Variants in DCDC1 observed in about 807,000 individuals in gnomAD.
DCDC1 encodes doublecortin domain-containing protein 1.
DCDC1 carries 200 observed loss-of-function variants against 178.3 expected under a neutral mutation model. The observed-to-expected ratio is 1.12, with a 90% CI of 1.00 to 1.26. The LOEUF is 1.26. Ranked by LOEUF, DCDC1 falls within the 50% of genes most tolerant of loss-of-function variation. The pLI, the probability that DCDC1 is intolerant of heterozygous loss-of-function variation, is 0.00. For synonymous variants in DCDC1, 690 were observed against 604.8 expected (o/e 1.14, Z -2.07); for missense variants, 1,983 against 1,749.2 (o/e 1.13, Z -2.38).
Position 31,009,463 on chromosome 11 carries a change from T to TGC in DCDC1, c.2591+55005_2591+55006insGC, listed in dbSNP as rs767392934. Among the ~76,000 whole-genome samples, 6 of 151,708 alleles carry TGC rather than the reference T, an allele frequency of 4.0e-5. No individual in the cohort carries two copies. In the South Asian group the frequency reaches 6.3e-4, roughly 16 times the overall value. ...TTGTGTGTGTGTGTGTGTGTGTGTGTGTGTGTGTGTAAAATAAGGTATTGG... is the reference window on the plus strand; with the variant it reads ...TTGTGTGTGTGTGTGTGTGTGTGTGTGCGTGTGTGTGTAAAATAAGGTATTGG... On this transcript the variant is annotated intron_variant, in intron 20 of 38. Transcript: ENST00000684477.
intron 9 of DCDC1, among the ~76,000 whole-genome samples, chr11:31,214,881 A>G (rs1973341931): frequency 6.6e-6 from 1 of 151,970 alleles, no homozygotes; most frequent in South Asian, 2.1e-4. Flanking sequence ...AACTAACATA[A>G]GAAATAAATT....
rs373717745 is a variant in DCDC1, at chr11:31,336,076, CAG to C, written c.-124-514_-124-513del. Among the ~76,000 whole-genome samples, 132 of 152,154 alleles carry C rather than the reference CAG, an allele frequency of 8.7e-4. 1 individual carries two copies. The highest frequency in any genetic ancestry group is 2.9e-3 in the African/African-American group (119 of 41,518). The stretch of plus-strand genomic sequence containing the variant: ...TATGCAGCTTACTTTCAAGTGGGAA[CAG>C]ATAATAAACAATAAACATCATAAAT... On this transcript the variant is annotated intron_variant, in intron 1 of 38. Transcript: ENST00000684477.
At chr11:31,268,308 T>A (rs1356098123) in intron 7 of DCDC1, among the ~76,000 whole-genome samples, 1 of 152,078 alleles carries the variant, frequency 6.6e-6, no homozygotes, top group Non-Finnish European at 1.5e-5. Flanking sequence ...CAACCAAAAT[T>A]TCAGTAATTT....
chr11:31,359,058 A>G (rs1399435203), intron 1 of DCDC1, among the ~76,000 whole-genome samples: 2 of 152,176 alleles, frequency 1.3e-5, no homozygotes, highest in Non-Finnish European at 2.9e-5. Flanking sequence ...TAGAAATACC[A>G]TTTGACCCAG....
At chr11:30,944,084 A>G in intron 21 of DCDC1, 1 of 246,272 alleles carries the variant, frequency 4.1e-6, no homozygotes. Context: ...GCCCATTTGG[A>G]CAATCAGCCC....
At chr11:31,144,053 G>T (rs899467964) in intron 9 of DCDC1, among the ~76,000 whole-genome samples, 1 of 152,148 alleles carries the variant, frequency 6.6e-6, no homozygotes. Flanking sequence ...TTTTAAAAGG[G>T]TTATAATTTG....
At chr11:31,244,310 T>A (rs1977559567) in intron 8 of DCDC1, among the ~76,000 whole-genome samples, 1 of 151,706 alleles carries the variant, frequency 6.6e-6, no homozygotes, top group South Asian at 2.1e-4. Flanking sequence ...TATTTAAGTG[T>A]TTTAGTGGAT....
intron 20 of DCDC1, among the ~76,000 whole-genome samples, chr11:31,033,122 T>G (rs565361804): frequency 6.6e-6 from 1 of 152,320 alleles, no homozygotes; most frequent in South Asian, 2.1e-4. Flanking sequence ...CAATGATTTA[T>G]GCACAAGATT....
At chr11:31,152,461 G>A (rs1402297947) in intron 9 of DCDC1, among the ~76,000 whole-genome samples, 2 of 152,226 alleles carry the variant, frequency 1.3e-5, no homozygotes, top group Non-Finnish European at 2.9e-5. Flanking sequence ...TAAATCAGGA[G>A]TTGCTGAGAG....
chr11:31,369,390 C>A (rs1437516397), intron 1 of DCDC1, among the ~76,000 whole-genome samples: 1 of 152,174 alleles, frequency 6.6e-6, no homozygotes, highest in African/African-American at 2.4e-5. Flanking sequence ...GGTTTTAGTT[C>A]TTTTAATTTT....
intron 11 of DCDC1, among the ~76,000 whole-genome samples, chr11:31,119,929 T>C (rs913631501): frequency 2.0e-5 from 3 of 152,206 alleles, no homozygotes; most frequent in Non-Finnish European, 4.4e-5. Context: ...ATATTGTTTC[T>C]AATTGTATGA....
chr11:31,255,332 G>T (rs1431424068), intron 8 of DCDC1, among the ~76,000 whole-genome samples: 1 of 152,052 alleles, frequency 6.6e-6, no homozygotes, highest in Non-Finnish European at 1.5e-5. Flanking sequence ...GAATTGCAGG[G>T]CCATGTGGTA....
chr11:30,873,081 C>T lies in DCDC1; in HGVS notation c.*40+5463G>A, dbSNP rs538667005. Among the ~76,000 whole-genome samples the T allele has an allele frequency of 3.3e-5, 5 of 150,248 alleles. No homozygotes were observed. The East Asian group carries it at 9.8e-4, about 29-fold the overall frequency. On this transcript the variant is annotated intron_variant, in intron 38 of 38. Transcript: ENST00000684477. The stretch of plus-strand genomic sequence containing the variant: ...CAAGCTGGTCTCTCTCTCTCTCTGT[C>T]TCTCTCTCTGTCTCTCTCTGTCTCT...
intron 1 of DCDC1, among the ~76,000 whole-genome samples, chr11:31,367,074 T>C (rs912965676): frequency 3.3e-5 from 5 of 152,280 alleles, no homozygotes; most frequent in African/African-American, 9.6e-5. Context: ...GGCAGGCAGA[T>C]TGCTTGAGCT....
intron 20 of DCDC1, among the ~76,000 whole-genome samples, chr11:30,968,822 G>C (rs1201234782): frequency 6.8e-6 from 1 of 148,022 alleles, no homozygotes; most frequent in African/African-American, 2.5e-5. Flanking sequence ...AATCTAGCTG[G>C]TGAATTCTAA....
intron 20 of DCDC1, among the ~76,000 whole-genome samples, chr11:30,957,384 T>A (rs1948830947): frequency 6.6e-6 from 1 of 152,170 alleles, no homozygotes; most frequent in Admixed American, 6.5e-5. Flanking sequence ...CTATTAGATT[T>A]TCATCTCTGA....
At chr11:30,981,822 TG>T (rs1950407271) in intron 20 of DCDC1, among the ~76,000 whole-genome samples, 1 of 152,152 alleles carries the variant, frequency 6.6e-6, no homozygotes, top group Admixed American at 6.6e-5. Flanking sequence ...AATATCCATC[TG>T]GGCTGGAATG....
chr11:30,980,912 T>C (rs1442839417), intron 20 of DCDC1, among the ~76,000 whole-genome samples: 1 of 152,172 alleles, frequency 6.6e-6, no homozygotes, highest in Admixed American at 6.5e-5. Context: ...CACTCATATG[T>C]TTATCACAGC....
At chr11:30,988,851 C>T (rs954664587) in intron 20 of DCDC1, among the ~76,000 whole-genome samples, 8 of 152,222 alleles carry the variant, frequency 5.3e-5, no homozygotes, top group Admixed American at 1.3e-4. Flanking sequence ...AGAGCCTTTC[C>T]ACCAGCTGTT....
Sources: gnomAD v4.1 joint callset for allele counts (sites outside exome capture counted in the v4.1 genomes callset) on GRCh38, gnomAD v4.1.1 for gene constraint, MANE v1.5 for transcripts, NCBI Gene and HGNC (gene_info 2026-07-23, HGNC 2026-07-21) for gene names.